REDIC1: variants seen among roughly 807,000 people sequenced by gnomAD.
REDIC1 encodes the protein regulator of DNA class I crossover intermediates 1, also known as HEI10 Interacting Protein 1.
the REDIC1 span, among the ~76,000 whole-genome samples, chr12:39,734,788 T>C: frequency 6.6e-6 from 1 of 152,226 alleles, no homozygotes; most frequent in African/African-American, 2.4e-5. Flanking sequence ...CTTCCTGTTC[T>C]TTTTCAAAAT....
At chr12:39,678,045 GA>G in the REDIC1 span, among the ~76,000 whole-genome samples, 1 of 151,820 alleles carries the variant, frequency 6.6e-6, no homozygotes, top group Non-Finnish European at 1.5e-5. Context: ...AGAGAAACAA[GA>G]ACAAACCAAG....
At chr12:39,879,202 C>A in the REDIC1 span, among the ~76,000 whole-genome samples, 1 of 152,248 alleles carries the variant, frequency 6.6e-6, no homozygotes, top group Non-Finnish European at 1.5e-5. Context: ...CAGAAGCCTG[C>A]TGCAGGGGCA....
chr12:39,756,871 T>C, the REDIC1 span: 1 of 151,626 alleles, frequency 6.6e-6, no homozygotes, highest in African/African-American at 2.4e-5. Context: ...AATTAAATTA[T>C]GAAAAAATAG....
At chr12:39,824,763 A>G in the REDIC1 span, among the ~76,000 whole-genome samples, 6 of 152,106 alleles carry the variant, frequency 3.9e-5, no homozygotes, top group Non-Finnish European at 8.8e-5. Flanking sequence ...GGAGTGCTAG[A>G]GGGCAGCAGG....
chr12:39,838,967 G>A, the REDIC1 span, among the ~76,000 whole-genome samples: 1 of 152,124 alleles, frequency 6.6e-6, no homozygotes, highest in East Asian at 1.9e-4. Context: ...GGCAAACACA[G>A]ATGTAGGAAT....
the REDIC1 span, among the ~76,000 whole-genome samples, chr12:39,697,217 A>G: frequency 1.3e-5 from 2 of 152,228 alleles, no homozygotes; most frequent in African/African-American, 4.8e-5. Flanking sequence ...TGACATATTT[A>G]AAGTGCTGAA....
chr12:39,887,835 G>T, the REDIC1 span, among the ~76,000 whole-genome samples: 1 of 152,202 alleles, frequency 6.6e-6, no homozygotes, highest in African/African-American at 2.4e-5. Flanking sequence ...CATTGAATGA[G>T]GTCTGTCTCA....
chr12:39,698,939 G>A, the REDIC1 span, among the ~76,000 whole-genome samples: 2 of 151,960 alleles, frequency 1.3e-5, no homozygotes, highest in South Asian at 2.1e-4. Context: ...AACTAGAACG[G>A]CAAGAACAAA....
chr12:39,682,116 T>C, the REDIC1 span, among the ~76,000 whole-genome samples: 5 of 152,274 alleles, frequency 3.3e-5, no homozygotes, highest in South Asian at 1.0e-3. Flanking sequence ...GTATTTATAT[T>C]GCTCTTCCTT....
the REDIC1 span, among the ~76,000 whole-genome samples, chr12:39,711,351 G>A: frequency 1.4e-5 from 2 of 145,560 alleles, no homozygotes; most frequent in Admixed American, 1.4e-4. Flanking sequence ...ACATCTATAT[G>A]TATATATACA....
chr12:39,709,416 GTACAA>G, the REDIC1 span, among the ~76,000 whole-genome samples: 206 of 151,656 alleles, frequency 1.4e-3, 1 homozygote, highest in Middle Eastern at 0.014. Flanking sequence ...GTTTCCAGGT[GTACAA>G]TACAATATTG....
At chr12:39,714,082 C>CAT in the REDIC1 span, among the ~76,000 whole-genome samples, 2 of 56,290 alleles carry the variant, frequency 3.6e-5, no homozygotes, top group Admixed American at 1.7e-4. Flanking sequence ...CGTGTATATA[C>CAT]ACATATATGT....
chr12:39,633,343 C>T, the REDIC1 span, among the ~76,000 whole-genome samples: 1 of 152,118 alleles, frequency 6.6e-6, no homozygotes, highest in Admixed American at 6.5e-5. Context: ...ATCTCATTGT[C>T]TTCACCTCTA....
the REDIC1 span, among the ~76,000 whole-genome samples, chr12:39,848,676 T>C: frequency 1.3e-5 from 2 of 152,126 alleles, no homozygotes; most frequent in African/African-American, 4.8e-5. Context: ...TCTAGGTATA[T>C]ATGCAGAGGA....
chr12:39,649,025 C>T, the REDIC1 span, among the ~76,000 whole-genome samples: 1 of 151,788 alleles, frequency 6.6e-6, no homozygotes, highest in South Asian at 2.1e-4. Context: ...CAAAAACCTA[C>T]ATTCTAGATC....
At chr12:39,701,645 A>T in the REDIC1 span, among the ~76,000 whole-genome samples, 3 of 152,218 alleles carry the variant, frequency 2.0e-5, no homozygotes, top group Non-Finnish European at 2.9e-5. Context: ...CATTTTTTTC[A>T]GCACCACATG....
the REDIC1 span, among the ~76,000 whole-genome samples, chr12:39,734,989 T>C: frequency 2.6e-5 from 4 of 152,264 alleles, no homozygotes; most frequent in Admixed American, 6.5e-5. Flanking sequence ...TCTTTATTTA[T>C]TCAGGTTTTC....
the REDIC1 span, among the ~76,000 whole-genome samples, chr12:39,895,325 C>A: frequency 4.6e-5 from 7 of 151,226 alleles, no homozygotes; most frequent in Non-Finnish European, 1.5e-5. Context: ...CCCGTCTCTA[C>A]TAAAAATACA....
the REDIC1 span, among the ~76,000 whole-genome samples, chr12:39,819,048 C>G: frequency 6.6e-6 from 1 of 152,082 alleles, no homozygotes; most frequent in Non-Finnish European, 1.5e-5. Flanking sequence ...ACCGCTTGCA[C>G]CCCACAGAAG....
Sources: allele counts gnomAD v4.1 joint callset (sites outside exome capture counted in the v4.1 genomes callset), GRCh38; gene constraint gnomAD v4.1.1; transcripts MANE v1.5; gene names NCBI Gene and HGNC (gene_info 2026-07-23, HGNC 2026-07-21).